Variants in DGKG observed in about 807,000 individuals in gnomAD.
The protein encoded by DGKG is diacylglycerol kinase gamma, also known as DAG kinase gamma.
Under a neutral mutation model 105.3 loss-of-function variants are expected in DGKG, and 78 were observed. The observed-to-expected ratio is 0.74, with a 90% confidence interval of 0.62 to 0.89. The LOEUF (loss-of-function observed/expected upper bound fraction) is 0.89, where lower values mean the gene tolerates loss of function less well. DGKG is among the 40% of genes least tolerant of loss of function. The pLI is 0.00. For synonymous variants in DGKG, 346 were observed against 367.1 expected, an observed-to-expected ratio of 0.94 and a Z score of 0.66; for missense variants, 958 against 1,020.1, an observed-to-expected ratio of 0.94 and a Z score of 0.83.
chr3:186,262,987 C>T (rs147502962), intron 14 of DGKG, among the ~76,000 whole-genome samples: 2 of 151,602 alleles, frequency 1.3e-5, no homozygotes, highest in East Asian at 3.9e-4. Context: ...ATTAGCCGGG[C>T]GTGGTGGGAG....
chr3:186,251,181 C>T (rs747101740), intron 19 of DGKG, among the ~76,000 whole-genome samples: 18 of 152,138 alleles, frequency 1.2e-4, no homozygotes, highest in Non-Finnish European at 2.2e-4. Context: ...ATGGGGTGAG[C>T]ATAAGGGCTG....
chr3:186,280,119 G>T (rs1722762820), intron 8 of DGKG, 146 bp from the exon 9 acceptor site: 4 of 1,049,850 alleles, frequency 3.8e-6, no homozygotes, highest in Non-Finnish European at 5.6e-6. Flanking sequence ...GAGCAGACTG[G>T]GAGTGAGGAG....
chr3:186,190,496 T>C (rs13079928), intron 21 of DGKG, among the ~76,000 whole-genome samples: 72,792 of 152,080 alleles, frequency 0.48, 20,484 homozygotes, highest in East Asian at 0.74. Context: ...ACGTTATCCA[T>C]TATCATTATC....
In DGKG at chr3:186,285,868, G is replaced by A. The variant is rs1228379942; in HGVS notation, c.545-1159C>T. Reference sequence around the variant, plus strand: ...CTAATTTTTTATTTTTAGTAGAGACGGGGTTTCTCCATCTTGGTCAGGCTG... The same window carrying A: ...CTAATTTTTTATTTTTAGTAGAGACAGGGTTTCTCCATCTTGGTCAGGCTG... On this transcript the variant is annotated intron_variant, in intron 6 of 24. Coordinates refer to ENST00000265022, the MANE Select transcript of DGKG (RefSeq NM_001346.3). Among the ~76,000 whole-genome samples, 22 of 151,910 alleles carry A rather than the reference G, an allele frequency of 1.4e-4. 1 individual carries two copies.
intron 21 of DGKG, among the ~76,000 whole-genome samples, chr3:186,200,329 C>G (rs1029321118): frequency 2.0e-5 from 3 of 152,210 alleles, no homozygotes; most frequent in Non-Finnish European, 4.4e-5. Context: ...TTATTGTGCA[C>G]TGATTTTGTT....
At chr3:186,250,776 C>T (rs1444211392) in intron 19 of DGKG, among the ~76,000 whole-genome samples, 1 of 152,044 alleles carries the variant, frequency 6.6e-6, no homozygotes, top group Non-Finnish European at 1.5e-5. Flanking sequence ...TCTCGAACTC[C>T]TGGCCTCAGG....
chr3:186,353,910 G>A (rs1726777634), intron 1 of DGKG, among the ~76,000 whole-genome samples: 2 of 152,048 alleles, frequency 1.3e-5, no homozygotes, highest in Non-Finnish European at 2.9e-5. Context: ...GGGCACCATG[G>A]GACTTTTTCC....
intron 2 of DGKG, among the ~76,000 whole-genome samples, chr3:186,312,976 G>A (rs1560149441): frequency 6.6e-6 from 1 of 151,916 alleles, no homozygotes; most frequent in Non-Finnish European, 1.5e-5. Context: ...CCCATTGCCT[G>A]GCAAAAAAAA....
At chr3:186,261,201 G>A (rs909176663) in intron 15 of DGKG, among the ~76,000 whole-genome samples, 4 of 152,194 alleles carry the variant, frequency 2.6e-5, no homozygotes, top group Non-Finnish European at 5.9e-5. Flanking sequence ...GAATTGGGAG[G>A]CAGAGCTGCT....
chr3:186,265,473 T>G (rs1376085072), intron 13 of DGKG, among the ~76,000 whole-genome samples, 167 bp from the exon 14 acceptor site: 1 of 143,088 alleles, frequency 7.0e-6, no homozygotes, highest in Non-Finnish European at 1.5e-5. Context: ...TAAAGAAATG[T>G]ACCCCTATGA....
Position 186,169,581 on chromosome 3 carries a change from G to A in DGKG, c.2096-4563C>T, listed in dbSNP as rs1489247947. Among the ~76,000 whole-genome samples, 10 of 152,244 alleles carry A rather than the reference G, an allele frequency of 6.6e-5. No homozygotes were observed. The South Asian group carries it at 8.3e-4, about 13-fold the overall frequency. On this transcript the variant is annotated intron_variant, in intron 22 of 24. Coordinates refer to ENST00000265022, the MANE Select transcript of DGKG (RefSeq NM_001346.3). ...GTCTTTGTGGGGCTAGATGCCTGCC[G>A]CAGACATACACAACATGTCATTCCC... is the stretch of plus-strand genomic sequence containing the variant.
At chr3:186,173,836 G>A (rs962561669) in intron 22 of DGKG, among the ~76,000 whole-genome samples, 1 of 152,214 alleles carries the variant, frequency 6.6e-6, no homozygotes, top group Non-Finnish European at 1.5e-5. Context: ...AGGAACAAAC[G>A]AGTAAAGAAG....
At chr3:186,305,094 A>C (rs1278022452) in intron 3 of DGKG, among the ~76,000 whole-genome samples, 2 of 152,262 alleles carry the variant, frequency 1.3e-5, no homozygotes, top group African/African-American at 2.4e-5. Context: ...CCAGGCACTG[A>C]AGACACAGCA....
chr3:186,177,320 C>A (rs1717130734), intron 22 of DGKG, among the ~76,000 whole-genome samples: 1 of 152,260 alleles, frequency 6.6e-6, no homozygotes, highest in Admixed American at 6.5e-5. Flanking sequence ...CAGTGCCCAG[C>A]CCATGTTGCC....
At chr3:186,249,346 G>C (rs1225384001) in intron 19 of DGKG, among the ~76,000 whole-genome samples, 17 of 152,178 alleles carry the variant, frequency 1.1e-4, no homozygotes, top group Admixed American at 9.2e-4. Context: ...AATAGAAAAA[G>C]AGCACCGGAT....
chr3:186,335,689 G>T (rs968824496), intron 1 of DGKG, among the ~76,000 whole-genome samples: 1 of 152,126 alleles, frequency 6.6e-6, no homozygotes, highest in South Asian at 2.1e-4. Context: ...CCAAGGTAAC[G>T]CTATATGCCA....
intron 1 of DGKG, among the ~76,000 whole-genome samples, chr3:186,320,959 G>C (rs1213573007): frequency 2.6e-5 from 4 of 152,200 alleles, no homozygotes; most frequent in Admixed American, 2.0e-4. Context: ...TGTCACATGA[G>C]AGGTGGTATT....
At chr3:186,225,907 C>T (rs972875456) in intron 20 of DGKG, among the ~76,000 whole-genome samples, 2 of 152,192 alleles carry the variant, frequency 1.3e-5, no homozygotes, top group Non-Finnish European at 2.9e-5. Context: ...TGTCTGATTT[C>T]AAGGGCTGAC....
At chr3:186,312,122 C>CAAAAAAAAAAAAAAA (rs34286105) in intron 2 of DGKG, among the ~76,000 whole-genome samples, 1 of 17,472 alleles carries the variant, frequency 5.7e-5, no homozygotes. Flanking sequence ...GACTCCGTCT[C>CAAAAAAAAAAAAAAA]AAAAAAAAAA....
Sources: gnomAD v4.1 joint callset for allele counts (sites outside exome capture counted in the v4.1 genomes callset) on GRCh38, gnomAD v4.1.1 for gene constraint, MANE v1.5 for transcripts, NCBI Gene and HGNC (gene_info 2026-07-23, HGNC 2026-07-21) for gene names.